TRANK1: variants seen among roughly 807,000 people sequenced by gnomAD.
The protein encoded by TRANK1 is tetratricopeptide repeat and ankyrin repeat containing 1, also known as TPR and ankyrin repeat-containing protein 1.
A neutral mutation model predicts 266.0 loss-of-function variants in TRANK1; 198 were observed. The observed-to-expected ratio is 0.74, with a 90% CI of 0.66 to 0.84. The LOEUF is 0.84. Ranked by LOEUF, TRANK1 falls within the 40% of genes least tolerant of loss-of-function variation. The pLI, the probability that TRANK1 is intolerant of heterozygous loss-of-function variation, is 0.00. For missense variants in TRANK1, 3,326 were observed against 3,634.6 expected, an observed-to-expected ratio of 0.92 and a Z score of 2.18; for synonymous variants, 1,396 against 1,384.1, an observed-to-expected ratio of 1.01 and a Z score of -0.19.
intron 22 of TRANK1, among the ~76,000 whole-genome samples, chr3:36,830,551 A>C (rs1222779773): frequency 6.6e-6 from 1 of 152,212 alleles, no homozygotes; most frequent in Admixed American, 6.5e-5. Flanking sequence ...TCTGGCAAGA[A>C]TCATTCTGAC....
intron 1 of TRANK1, among the ~76,000 whole-genome samples, chr3:36,923,880 C>T (rs1369562906): frequency 6.6e-6 from 1 of 152,204 alleles, no homozygotes; most frequent in Non-Finnish European, 1.5e-5. Context: ...CTTAACCATC[C>T]TGGTGCTCTC....
intron 7 of TRANK1, among the ~76,000 whole-genome samples, chr3:36,890,473 G>T (rs2079675922): frequency 6.6e-6 from 1 of 152,112 alleles, no homozygotes; most frequent in Non-Finnish European, 1.5e-5. Context: ...TCAGGGAGAG[G>T]CAAGGTCCAG....
chr3:36,857,948 T>C lies in TRANK1; in HGVS notation c.1774A>G (p.Asn592Asp). Residue 592 changes from asparagine to aspartate, a missense_variant, in exon 13 of 24, where the codon AAC becomes GAC. Asn to Asp is a conservative substitution (Grantham distance 23). Transcript: ENST00000645898. The surrounding 1 kb of genome is among the most constrained non-coding windows in gnomAD (Gnocchi z 4.3). ...LNPNVQDSNG[N>D]TLMHILFQKG... Reference sequence around the variant, plus strand: ...TGGAAGAGGATGTGCATCAGCGTGTTCCCATTGCTGTCCTGGACATTGGGG... The same window carrying C: ...TGGAAGAGGATGTGCATCAGCGTGTCCCCATTGCTGTCCTGGACATTGGGG... 1 of 1,602,672 alleles carries C rather than the reference T, an allele frequency of 6.2e-7. No homozygotes were observed. The highest frequency in any genetic ancestry group is 8.5e-7 in the Non-Finnish European group (1 of 1,179,804).
chr3:36,837,673 C>A (rs1448434665), intron 20 of TRANK1, among the ~76,000 whole-genome samples: 1 of 152,176 alleles, frequency 6.6e-6, no homozygotes, highest in Non-Finnish European at 1.5e-5. Flanking sequence ...CAAAGCAATG[C>A]CAAATGGCAA....
intron 8 of TRANK1, among the ~76,000 whole-genome samples, chr3:36,879,870 A>ATATG (rs2079479886): frequency 9.4e-6 from 1 of 106,194 alleles, no homozygotes; most frequent in Non-Finnish European, 1.7e-5. Context: ...ATATATGTAA[A>ATATG]CATACAAATA....
At chr3:36,916,668 A>C (rs547221099) in intron 1 of TRANK1, among the ~76,000 whole-genome samples, 25 of 152,350 alleles carry the variant, frequency 1.6e-4, no homozygotes, top group Admixed American at 3.9e-4. Context: ...AGCAGCCAAT[A>C]AGAGTTCCTG....
chr3:36,849,032 G>C (rs1393959721), intron 15 of TRANK1, among the ~76,000 whole-genome samples: 20 of 152,178 alleles, frequency 1.3e-4, no homozygotes, highest in Admixed American at 1.3e-3. Flanking sequence ...CTTGTAGCAA[G>C]GATACAGGCC....
intron 8 of TRANK1, among the ~76,000 whole-genome samples, chr3:36,883,630 TTATC>T (rs1336567601): frequency 6.6e-6 from 1 of 151,348 alleles, no homozygotes; most frequent in African/African-American, 2.4e-5. Flanking sequence ...AAGAAACTGA[TTATC>T]TATAAGGCTG....
At chr3:36,873,857 G>GAA (rs60007212) in intron 9 of TRANK1, among the ~76,000 whole-genome samples, 1 of 139,202 alleles carries the variant, frequency 7.2e-6, no homozygotes. Flanking sequence ...ACATGCATGG[G>GAA]AAAAAAAAAA....
chr3:36,905,095 C>T lies in TRANK1; in HGVS notation c.156-1820G>A, dbSNP rs1053028373. Among the ~76,000 whole-genome samples, 6 of 151,944 alleles carry T rather than the reference C, an allele frequency of 3.9e-5. No individual in the cohort carries two copies. In the East Asian group the frequency reaches 7.8e-4, roughly 20 times the overall value. On this transcript the variant is annotated intron_variant, in intron 2 of 23. Coordinates refer to ENST00000645898, the MANE Select transcript of TRANK1 (RefSeq NM_001329998.2). ...CGAGGTCAGGAGATCGAGACCATCC[C>T]GGCTAACACGGTGAAACCCCATCTC...
At chr3:36,913,635 G>GT (rs1281520302) in intron 1 of TRANK1, among the ~76,000 whole-genome samples, 6 of 151,854 alleles carry the variant, frequency 4.0e-5, no homozygotes, top group African/African-American at 1.2e-4. Context: ...GTTTTGTTTT[G>GT]TTTTTTTCTT....
chr3:36,879,703 AATATAAATATATAAATATATAAATAT>A (rs1553624280), intron 8 of TRANK1, among the ~76,000 whole-genome samples: 2 of 59,914 alleles, frequency 3.3e-5, no homozygotes. Flanking sequence ...TATAAATATA[AATATAAATATATAAATATATAAATAT>A]ATATAAATAT....
chr3:36,830,292 G>A lies in TRANK1; in HGVS notation c.8710+581C>T, dbSNP rs189545119. 5.3e-5 allele frequency among the ~76,000 whole-genome samples: 8 copies of A among 151,760 alleles called. No homozygotes were observed. In the East Asian group the frequency reaches 9.7e-4, roughly 18 times the overall value. ...ATCACGCCACTGCACTCCAGCCTGG[G>A]CGACACAGTGAGACTCCATCTCTAT... On this transcript the variant is annotated intron_variant, in intron 22 of 23. Transcript: ENST00000645898.
chr3:36,897,695 C>A (rs1030484474), intron 4 of TRANK1, among the ~76,000 whole-genome samples: 1 of 152,240 alleles, frequency 6.6e-6, no homozygotes, highest in African/African-American at 2.4e-5. Flanking sequence ...CATATTCTAA[C>A]ATCTCTGAAA....
At chr3:36,834,933 A>C (rs1331571348) in intron 20 of TRANK1, 26 bp from the exon 21 acceptor site, 2 of 1,581,348 alleles carry the variant, frequency 1.3e-6, no homozygotes, top group East Asian at 4.5e-5. Flanking sequence ...TTTTACTTTT[A>C]TTTAGAGTAC....
At chr3:36,897,163 G>A (rs749274379) in intron 4 of TRANK1, among the ~76,000 whole-genome samples, 9 of 151,790 alleles carry the variant, frequency 5.9e-5, no homozygotes, top group Admixed American at 3.9e-4. Context: ...TTAGCCGGAC[G>A]TGGTGGTGGT....
chr3:36,867,284 T>C (rs549961139), intron 9 of TRANK1, among the ~76,000 whole-genome samples: 7 of 152,152 alleles, frequency 4.6e-5, no homozygotes, highest in African/African-American at 1.7e-4. Context: ...CCTGATAGAA[T>C]CTTTGCAAAA....
intron 8 of TRANK1, among the ~76,000 whole-genome samples, chr3:36,881,172 C>G (rs1326772207): frequency 6.6e-6 from 1 of 151,832 alleles, no homozygotes; most frequent in Non-Finnish European, 1.5e-5. Flanking sequence ...TATTATTTGC[C>G]CGGGTGTGGT....
chr3:36,871,074 T>C (rs1442797608), intron 9 of TRANK1, among the ~76,000 whole-genome samples: 2 of 150,486 alleles, frequency 1.3e-5, no homozygotes, highest in Non-Finnish European at 3.0e-5. Flanking sequence ...TTCTAAGAAC[T>C]GAGATTAAAA....
Sources: gnomAD v4.1 joint callset for allele counts (sites outside exome capture counted in the v4.1 genomes callset) on GRCh38, gnomAD v4.1.1 for gene constraint, Gnocchi (gnomAD v3.1) non-coding constraint, MANE v1.5 for transcripts, NCBI Gene and HGNC (gene_info 2026-07-23, HGNC 2026-07-21) for gene names.